Variants in CSMD1 observed in about 807,000 individuals in gnomAD.
The protein encoded by CSMD1 is CUB and Sushi multiple domains 1.
Under a neutral mutation model 417.5 loss-of-function variants are expected in CSMD1, and 213 were observed. That is an observed-to-expected ratio of 0.51 (90% confidence interval 0.46 to 0.57). The LOEUF is 0.57. Among genes scored for constraint, CSMD1 ranks in the 20% least tolerant of loss-of-function variants. CSMD1 has a pLI of 0.00. For missense variants in CSMD1, 6,923 were observed against 4,529.7 expected (o/e 1.53, Z -15.17); for synonymous variants, 2,862 against 1,736.8 (o/e 1.65, Z -16.11).
intron 5 of CSMD1, among the ~76,000 whole-genome samples, chr8:3,797,142 C>A (rs1209759165): frequency 1.3e-5 from 2 of 151,856 alleles, no homozygotes; most frequent in Admixed American, 6.6e-5. Context: ...TAATAAAATA[C>A]AGTCAACATA....
At chr8:3,455,356 G>C (rs980799906) in intron 12 of CSMD1, among the ~76,000 whole-genome samples, 1 of 152,208 alleles carries the variant, frequency 6.6e-6, no homozygotes, top group Non-Finnish European at 1.5e-5. Flanking sequence ...TGCTGGTGAG[G>C]AGCTGCTTTC....
chr8:4,294,937 T>G (rs1385934108), intron 3 of CSMD1, among the ~76,000 whole-genome samples: 1 of 151,514 alleles, frequency 6.6e-6, no homozygotes, highest in Non-Finnish European at 1.5e-5. Flanking sequence ...CTATTCTCTC[T>G]TCTTTCAGGT....
intron 51 of CSMD1, among the ~76,000 whole-genome samples, chr8:3,019,079 C>G (rs559156058): frequency 6.6e-6 from 1 of 152,194 alleles, no homozygotes. Flanking sequence ...CACCATGTCC[C>G]GCTAATTTTT....
chr8:3,718,997 G>T (rs186948270), intron 6 of CSMD1, among the ~76,000 whole-genome samples: 13 of 152,090 alleles, frequency 8.5e-5, no homozygotes, highest in African/African-American at 3.1e-4. Flanking sequence ...GCAGAACAAG[G>T]GGTGAGACAA....
intron 3 of CSMD1, among the ~76,000 whole-genome samples, chr8:4,315,192 C>T (rs1798850989): frequency 6.6e-6 from 1 of 152,222 alleles, no homozygotes; most frequent in Admixed American, 6.5e-5. Context: ...CCAGCTTCCA[C>T]ACCTACCAGA....
At chr8:4,306,881 G>T (rs939155578) in intron 3 of CSMD1, among the ~76,000 whole-genome samples, 1 of 152,082 alleles carries the variant, frequency 6.6e-6, no homozygotes, top group African/African-American at 2.4e-5. Flanking sequence ...AAAATCTGCA[G>T]TTATGCTTTC....
At chr8:3,407,197 T>C (rs955885434) in intron 14 of CSMD1, among the ~76,000 whole-genome samples, 82 of 148,042 alleles carry the variant, frequency 5.5e-4, no homozygotes, top group African/African-American at 2.0e-3. Flanking sequence ...TATGGATGAA[T>C]GGATGGATGG....
intron 5 of CSMD1, among the ~76,000 whole-genome samples, chr8:3,886,910 C>A (rs924773534): frequency 6.6e-6 from 1 of 152,212 alleles, no homozygotes; most frequent in Non-Finnish European, 1.5e-5. Flanking sequence ...AGCATAAACA[C>A]AGCCAATCAT....
At chr8:4,936,974 G>C (rs962696111) in intron 1 of CSMD1, among the ~76,000 whole-genome samples, 1 of 152,128 alleles carries the variant, frequency 6.6e-6, no homozygotes, top group African/African-American at 2.4e-5. Context: ...ACCTTAGCAG[G>C]CCAAGGCTGG....
rs5889079 is a variant in CSMD1, at chr8:4,962,188, C to CT, written c.85+32143dup. Among the ~76,000 whole-genome samples the CT allele has an allele frequency of 1.0e-3, 145 of 140,616 alleles. 1 individual carries two copies. The highest frequency in any genetic ancestry group is 3.3e-3 in the East Asian group (15 of 4,522). 92.2% of individuals were successfully genotyped at this position (140,616 alleles called of 152,430 possible). A position where few individuals can be genotyped will look rare whatever the true frequency, so the allele number is the denominator to read the frequency against. ...ACAATAATATAAATGTAAATTTCTGCTTTTTTTTTAAAAAAAAAAGAAAAA... is the reference window on the plus strand; with the variant it reads ...ACAATAATATAAATGTAAATTTCTGCTTTTTTTTTTAAAAAAAAAAGAAAAA... On this transcript the variant is annotated intron_variant, in intron 1 of 69. Coordinates refer to ENST00000635120, the MANE Select transcript of CSMD1 (RefSeq NM_033225.6).
intron 3 of CSMD1, among the ~76,000 whole-genome samples, chr8:4,255,345 G>T (rs1455511798): frequency 3.3e-4 from 50 of 152,118 alleles, no homozygotes; most frequent in Non-Finnish European, 1.5e-5. Flanking sequence ...TGCAGTCATT[G>T]TTCTTGAGCC....
chr8:4,041,385 AT>A (rs1338022495), intron 3 of CSMD1, among the ~76,000 whole-genome samples: 2 of 152,154 alleles, frequency 1.3e-5, no homozygotes, highest in Non-Finnish European at 2.9e-5. Flanking sequence ...TATGACAAGA[AT>A]TGTTAAATGC....
intron 5 of CSMD1, among the ~76,000 whole-genome samples, chr8:3,901,854 A>G (rs927262603): frequency 7.2e-5 from 11 of 152,148 alleles, no homozygotes; most frequent in African/African-American, 2.4e-4. Context: ...CCATGGTTTT[A>G]TTATACTGTA....
intron 12 of CSMD1, among the ~76,000 whole-genome samples, chr8:3,457,917 G>A (rs1451177172): frequency 6.6e-6 from 1 of 152,140 alleles, no homozygotes; most frequent in Admixed American, 6.5e-5. Context: ...CAGCCATATG[G>A]CTGGAAAAAA....
intron 1 of CSMD1, among the ~76,000 whole-genome samples, chr8:4,876,009 A>T (rs1803017313): frequency 6.6e-6 from 1 of 152,130 alleles, no homozygotes; most frequent in South Asian, 2.1e-4. Context: ...GTAAAGAGTA[A>T]AAAGTTAGAA....
At chr8:4,756,386 T>C (rs6997881) in intron 1 of CSMD1, among the ~76,000 whole-genome samples, 50,924 of 152,048 alleles carry the variant, frequency 0.33, 9,166 homozygotes, top group Admixed American at 0.47. Context: ...TTGGTTTTTT[T>C]CTGACCCGAC....
intron 3 of CSMD1, among the ~76,000 whole-genome samples, chr8:4,079,761 G>C (rs36067893): frequency 0.11 from 17,146 of 152,064 alleles, 1,026 homozygotes; most frequent in Middle Eastern, 0.19. Context: ...AATAGTTTAT[G>C]CAATTAATAA....
At chr8:4,951,720 C>T (rs901623838) in intron 1 of CSMD1, among the ~76,000 whole-genome samples, 5 of 151,440 alleles carry the variant, frequency 3.3e-5, no homozygotes, top group African/African-American at 1.2e-4. Context: ...AAGAATCTCC[C>T]TATATTAATA....
At chr8:3,725,185 G>A (rs941025932) in intron 6 of CSMD1, among the ~76,000 whole-genome samples, 1 of 152,118 alleles carries the variant, frequency 6.6e-6, no homozygotes, top group African/African-American at 2.4e-5. Flanking sequence ...AAGGCAAGGA[G>A]GTAGGTTCAA....
Sources: allele counts gnomAD v4.1 joint callset (sites outside exome capture counted in the v4.1 genomes callset), GRCh38; gene constraint gnomAD v4.1.1; transcripts MANE v1.5; gene names NCBI Gene and HGNC (gene_info 2026-07-23, HGNC 2026-07-21).